The following ASAP2 variants were observed in gnomAD, a reference collection of about 807,000 sequenced individuals.
ASAP2 encodes arf-GAP with SH3 domain, ANK repeat and PH domain-containing protein 2.
A neutral mutation model predicts 131.4 loss-of-function variants in ASAP2; 45 were observed. The observed-to-expected ratio is 0.34, with a 90% CI of 0.27 to 0.44. ASAP2 has a LOEUF of 0.44. Among genes scored for constraint, ASAP2 ranks in the 20% least tolerant of loss-of-function variants. ASAP2 has a pLI of 1.00. For missense variants in ASAP2, 1,011 were observed against 1,297.0 expected (o/e 0.78, Z 3.39); for synonymous variants, 510 against 503.0 (o/e 1.01, Z -0.19).
At chr2:9,363,635 G>A (rs566868887) in intron 15 of ASAP2, among the ~76,000 whole-genome samples, 1 of 152,280 alleles carries the variant, frequency 6.6e-6, no homozygotes, top group South Asian at 2.1e-4. Context: ...CCAGGCTGGA[G>A]TGCAGTGGTG....
intron 3 of ASAP2, among the ~76,000 whole-genome samples, chr2:9,309,411 C>G (rs1022905514): frequency 6.6e-6 from 1 of 152,164 alleles, no homozygotes; most frequent in Non-Finnish European, 1.5e-5. Flanking sequence ...ATTCCAGATA[C>G]CGTATATAAA....
chr2:9,308,927 T>C (rs1457863417), intron 3 of ASAP2, among the ~76,000 whole-genome samples: 1 of 152,182 alleles, frequency 6.6e-6, no homozygotes, highest in Non-Finnish European at 1.5e-5. Context: ...AAAAATACTT[T>C]CTGCCTGGAT....
chr2:9,279,229 G>A (rs1572338441), intron 1 of ASAP2, 88 bp from the exon 2 acceptor site: 1 of 1,267,100 alleles, frequency 7.9e-7, no homozygotes. Flanking sequence ...CCTGGCAGAG[G>A]CAATCAGAGT....
At position 9,268,445 on chromosome 2, in the gene ASAP2, C is replaced by T. The variant is rs538119068; in HGVS notation, c.127-10872C>T. ...ACGTCTATTTGATCTTAATTCTTAGCGACACCTGCTATTCTTCAGGCCTGG... is the reference window on the plus strand; with the variant it reads ...ACGTCTATTTGATCTTAATTCTTAGTGACACCTGCTATTCTTCAGGCCTGG... On this transcript the variant is annotated intron_variant, in intron 1 of 27. Coordinates refer to ENST00000281419, the MANE Select transcript of ASAP2 (RefSeq NM_003887.3). The surrounding 1 kb of genome is among the most constrained non-coding windows in gnomAD (Gnocchi z 4.1). Among the ~76,000 whole-genome samples, 19 of 152,312 alleles carry T rather than the reference C, an allele frequency of 1.2e-4. No homozygotes were observed. The South Asian group carries it at 3.5e-3, about 28-fold the overall frequency.
intron 1 of ASAP2, chr2:9,271,495 G>C (rs185616620): frequency 1.4e-6 from 2 of 1,422,340 alleles, no homozygotes; most frequent in Non-Finnish European, 2.0e-6. Context: ...TTGGACAGTA[G>C]TAAGGGCCTT....
Position 9,356,177 on chromosome 2 carries a change from A to G in ASAP2, c.1161-2A>G. On this transcript the variant is annotated splice_acceptor_variant, in intron 13 of 27. Transcript: ENST00000281419. LOFTEE classifies it high-confidence loss of function. ...AACACAGCGTTGCTCTTGTTTTTCT[A>G]GATGGATGTCTGTGCTGCAAAATAG... 1 of 1,614,082 alleles carries G rather than the reference A, an allele frequency of 6.2e-7. No homozygotes were observed. The highest frequency in any genetic ancestry group is 8.5e-7 in the Non-Finnish European group (1 of 1,179,924).
intron 1 of ASAP2, among the ~76,000 whole-genome samples, chr2:9,213,923 G>C (rs185719489): frequency 8.5e-5 from 13 of 152,326 alleles, no homozygotes; most frequent in Admixed American, 4.6e-4. Context: ...ATCAAGGAAA[G>C]ATTGAAGCAT....
At chr2:9,254,208 CAAAAAAAAAAAAA>C (rs1167547534) in intron 1 of ASAP2, among the ~76,000 whole-genome samples, 1 of 15,638 alleles carries the variant, frequency 6.4e-5, no homozygotes, top group Non-Finnish European at 1.1e-4. Flanking sequence ...GAGACTGTCT[CAAAAAAAAAAAAA>C]AAAAAAAAAA....
chr2:9,401,541 C>T, intron 27 of ASAP2, 145 bp downstream of exon 27: 1 of 1,127,240 alleles, frequency 8.9e-7, no homozygotes, highest in Admixed American at 2.7e-5. Context: ...TTAGCATCCT[C>T]AGGAGCTGCT....
At chr2:9,320,853 G>A (rs1670107369) in intron 5 of ASAP2, among the ~76,000 whole-genome samples, 1 of 152,120 alleles carries the variant, frequency 6.6e-6, no homozygotes, top group African/African-American at 2.4e-5. Flanking sequence ...TTGATTCTTG[G>A]ATGTGAACTA....
At chr2:9,361,069 T>A (rs1473721303) in intron 15 of ASAP2, among the ~76,000 whole-genome samples, 1 of 152,214 alleles carries the variant, frequency 6.6e-6, no homozygotes, top group East Asian at 1.9e-4. Flanking sequence ...CCTGGTTAAA[T>A]TCTCCATTTC....
intron 9 of ASAP2, among the ~76,000 whole-genome samples, chr2:9,340,372 T>C (rs1671502636): frequency 6.6e-6 from 1 of 152,232 alleles, no homozygotes; most frequent in African/African-American, 2.4e-5. Context: ...GTGCCCTTGC[T>C]GGGCTCACAC....
At chr2:9,334,249 T>C (rs1260947088) in intron 7 of ASAP2, among the ~76,000 whole-genome samples, 1 of 150,906 alleles carries the variant, frequency 6.6e-6, no homozygotes, top group Admixed American at 6.6e-5. Flanking sequence ...GGGGTTTTGC[T>C]ATGTTGGCCA....
intron 2 of ASAP2, among the ~76,000 whole-genome samples, chr2:9,293,001 T>G (rs1667914980): frequency 6.6e-6 from 1 of 152,242 alleles, no homozygotes; most frequent in Admixed American, 6.5e-5. Context: ...GTGTGGCCCG[T>G]AGAGGGGGCG....
chr2:9,246,815 G>A (rs943190767), intron 1 of ASAP2, among the ~76,000 whole-genome samples: 1 of 152,148 alleles, frequency 6.6e-6, no homozygotes, highest in African/African-American at 2.4e-5. Flanking sequence ...ACAAGCCTGT[G>A]TACTGCTGCA....
chr2:9,216,442 A>G (rs1326548752), intron 1 of ASAP2, among the ~76,000 whole-genome samples: 1 of 143,544 alleles, frequency 7.0e-6, no homozygotes, highest in East Asian at 2.0e-4. Context: ...GTGCCCCACC[A>G]TGCCTGTTTA....
At chr2:9,398,945 G>C (rs537626991) in intron 24 of ASAP2, 1 of 152,396 alleles carries the variant, frequency 6.6e-6, no homozygotes, top group East Asian at 1.9e-4. Context: ...CTGCCGGCCA[G>C]GGGGTCAGCC....
Position 9,401,364 on chromosome 2 carries a change from A to T in ASAP2, c.2914A>T (p.Ile972Phe). The change falls in exon 27 of 28, where the codon ATC (isoleucine) becomes TTC (phenylalanine). Residue 972 changes from isoleucine to phenylalanine, a missense_variant. Around this residue, in one of 2 missense-constraint regions of ASAP2, gnomAD observed 652 missense variants for 698.9 expected, o/e 0.93. Coordinates refer to ENST00000281419, the MANE Select transcript of ASAP2 (RefSeq NM_003887.3). ...CACCTTCTCCGAGGGGGATGTGATC[A>T]TCGTGGACGGGGAGGAGGACCAGGA... Reference protein sequence around the residue: ...ELTFSEGDVIIVDGEEDQEWW... With the variant: ...ELTFSEGDVIFVDGEEDQEWW... 1 of 1,613,594 alleles carries T rather than the reference A, an allele frequency of 6.2e-7. No individual in the cohort carries two copies. Among genetic ancestry groups the T allele is most frequent in the South Asian group, 1.1e-5 (1 of 91,074 alleles).
rs139661093 is a variant in ASAP2 at position 9,235,986 on chromosome 2, G to A, written c.126+28756G>A. On this transcript the variant is annotated intron_variant, in intron 1 of 27. Coordinates refer to ENST00000281419, the MANE Select transcript of ASAP2 (RefSeq NM_003887.3). ...GGGACTGGGGTGCTGGTGGCATCTG[G>A]TGGGTGGAGGCCAGGATGCTACTAC... 1.4e-3 allele frequency among the ~76,000 whole-genome samples: 211 copies of A among 152,302 alleles called. 2 individuals carry two copies. Among genetic ancestry groups the A allele is most frequent in the African/African-American group, 4.9e-3 (203 of 41,556 alleles).
Sources: allele counts gnomAD v4.1 joint callset (sites outside exome capture counted in the v4.1 genomes callset), GRCh38; gene constraint gnomAD v4.1.1; regional missense constraint gnomAD v4.1.1; non-coding constraint Gnocchi (gnomAD v3.1); transcripts MANE v1.5; gene names NCBI Gene and HGNC (gene_info 2026-07-23, HGNC 2026-07-21).